The following MEMO1 variants were observed in gnomAD, a reference collection of about 807,000 sequenced individuals.
The protein encoded by MEMO1 is protein MEMO1.
MEMO1 carries 6 observed loss-of-function variants against 45.2 expected under a neutral mutation model. The observed-to-expected ratio is 0.13, with a 90% confidence interval of 0.07 to 0.26. The LOEUF (loss-of-function observed/expected upper bound fraction) is 0.26. MEMO1 is among the 10% of genes least tolerant of loss of function. The pLI is 1.00. For missense variants in MEMO1, 184 were observed against 370.5 expected, an observed-to-expected ratio of 0.50 and a Z score of 4.13; for synonymous variants, 78 against 124.3, an observed-to-expected ratio of 0.63 and a Z score of 2.48.
intron 4 of MEMO1, chr2:31,923,619 G>A (rs780470786): frequency 1.2e-5 from 18 of 1,540,456 alleles, no homozygotes; most frequent in Non-Finnish European, 1.2e-5. Flanking sequence ...GCCTGACTAG[G>A]GCCAGGTAGT....
At chr2:31,882,473 T>G (rs1675553613) in intron 8 of MEMO1, among the ~76,000 whole-genome samples, 1 of 152,176 alleles carries the variant, frequency 6.6e-6, no homozygotes, top group Admixed American at 6.5e-5. Context: ...TTTAAAATAT[T>G]AATTCCACTG....
intron 2 of MEMO1, among the ~76,000 whole-genome samples, chr2:31,946,802 G>A (rs1487893376): frequency 2.6e-5 from 4 of 152,126 alleles, no homozygotes; most frequent in African/African-American, 9.7e-5. Context: ...GGCAGAGGTT[G>A]CAGAGATCAC....
intron 3 of MEMO1, among the ~76,000 whole-genome samples, chr2:31,938,982 G>A (rs1321747226): frequency 1.3e-5 from 2 of 151,138 alleles, no homozygotes; most frequent in African/African-American, 2.4e-5. Context: ...AGGGGGTTTC[G>A]CCATGTTGCA....
intron 2 of MEMO1, among the ~76,000 whole-genome samples, chr2:31,976,073 T>G (rs1044973268): frequency 7.2e-5 from 11 of 152,116 alleles, no homozygotes; most frequent in Admixed American, 5.9e-4. Context: ...TTGCAATTAC[T>G]TTTAATAAAT....
At chr2:31,996,669 A>G (rs1672656844) in intron 2 of MEMO1, among the ~76,000 whole-genome samples, 1 of 152,212 alleles carries the variant, frequency 6.6e-6, no homozygotes. Context: ...GAAGATTCCA[A>G]TACAATAATC....
chr2:31,928,448 G>A (rs1478099569), intron 4 of MEMO1, among the ~76,000 whole-genome samples: 3 of 151,672 alleles, frequency 2.0e-5, no homozygotes, highest in African/African-American at 7.3e-5. Context: ...TTGGGAGGCT[G>A]AGGCAGGAGA....
At chr2:31,900,847 T>C (rs1042193037) in intron 6 of MEMO1, among the ~76,000 whole-genome samples, 1 of 152,162 alleles carries the variant, frequency 6.6e-6, no homozygotes, top group Non-Finnish European at 1.5e-5. Context: ...CATGCACTAT[T>C]CCTAAAATAT....
rs111476083 is a variant in MEMO1 at position 31,981,438 on chromosome 2, T to C, written c.61+28749A>G. Among the ~76,000 whole-genome samples the C allele has an allele frequency of 8.1e-3, 1,236 of 152,328 alleles. 23 individuals carry two copies. Among genetic ancestry groups the C allele is most frequent in the African/African-American group, 0.028 (1,146 of 41,564 alleles). ...AAACCTAAACAATATATTATCTGAC[T>C]TGTGGCATGAAAGCCATGTATCCAA... is the stretch of plus-strand genomic sequence containing the variant. On this transcript the variant is annotated intron_variant, in intron 2 of 9. Coordinates refer to ENST00000404530, the MANE Select transcript of MEMO1 (RefSeq NM_001301833.4).
At chr2:32,009,431 T>G (rs1477439402) in intron 2 of MEMO1, among the ~76,000 whole-genome samples, 1 of 138,178 alleles carries the variant, frequency 7.2e-6, no homozygotes, top group African/African-American at 2.7e-5. Flanking sequence ...AAGTGACAAA[T>G]CCCTGAAAGG....
At chr2:31,972,110 T>C (rs1669481371) in intron 2 of MEMO1, among the ~76,000 whole-genome samples, 2 of 152,242 alleles carry the variant, frequency 1.3e-5, no homozygotes, top group African/African-American at 2.4e-5. Context: ...CAAAATTATA[T>C]GTGAAATACC....
At chr2:31,970,524 T>C (rs1360611591) in intron 2 of MEMO1, among the ~76,000 whole-genome samples, 1 of 152,156 alleles carries the variant, frequency 6.6e-6, no homozygotes, top group Non-Finnish European at 1.5e-5. Context: ...TTATACAACC[T>C]GGCTTCCTGA....
intron 2 of MEMO1, among the ~76,000 whole-genome samples, chr2:31,973,252 G>A (rs377262110): frequency 9.9e-5 from 15 of 152,122 alleles, no homozygotes; most frequent in Admixed American, 5.9e-4. Flanking sequence ...TCAGGAGTTC[G>A]AGACCAGCCT....
At chr2:31,898,988 T>C (rs887710232) in intron 6 of MEMO1, among the ~76,000 whole-genome samples, 2 of 152,158 alleles carry the variant, frequency 1.3e-5, no homozygotes, top group South Asian at 4.1e-4. Flanking sequence ...TCTTTTCTCA[T>C]ATTTGTTGGT....
chr2:31,869,180 T>G (rs952288658), intron 9 of MEMO1, among the ~76,000 whole-genome samples: 2 of 152,136 alleles, frequency 1.3e-5, no homozygotes, highest in African/African-American at 4.8e-5. Context: ...CTGGACTACA[T>G]TATCTTCTCC....
intron 6 of MEMO1, among the ~76,000 whole-genome samples, chr2:31,893,487 A>T (rs6543644): frequency 0.12 from 18,614 of 152,168 alleles, 1,233 homozygotes; most frequent in Middle Eastern, 0.24. Context: ...TCTAACCTCA[A>T]CTACTACCTA....
chr2:31,873,556 T>C (rs1308480508), intron 8 of MEMO1, among the ~76,000 whole-genome samples: 1 of 152,146 alleles, frequency 6.6e-6, no homozygotes, highest in Admixed American at 6.5e-5. Context: ...AGTTTACCTA[T>C]ATTTAATAAA....
In MEMO1 at chr2:31,969,586, GGTGTGTGTGTGTGTGTGT is replaced by G. The variant is rs367639470; in HGVS notation, c.62-26221_62-26204del. ...AATCTTTTCTGGGGGTGTGTGTGTG[GGTGTGTGTGTGTGTGTGT>G]GTGTGTGTGTGTGTGTGTGTGTGTG... On this transcript the variant is annotated intron_variant, in intron 2 of 9. Coordinates refer to ENST00000404530, the MANE Select transcript of MEMO1 (RefSeq NM_001301833.4). Among the ~76,000 whole-genome samples, 78 of 119,264 alleles carry G rather than the reference GGTGTGTGTGTGTGTGTGT, an allele frequency of 6.5e-4. 2 individuals carry two copies. The highest frequency in any genetic ancestry group is 9.3e-3 in the Middle Eastern group (2 of 216). The allele number at this position is 119,264 out of a possible 152,430, so 78.2% of individuals were successfully genotyped here.
intron 2 of MEMO1, among the ~76,000 whole-genome samples, chr2:31,978,691 G>A (rs1211565295): frequency 6.6e-6 from 1 of 152,172 alleles, no homozygotes; most frequent in Non-Finnish European, 1.5e-5. Context: ...AAGTGCTGGG[G>A]CTGCAGGCTT....
intron 2 of MEMO1, among the ~76,000 whole-genome samples, chr2:31,953,316 G>C (rs758326734): frequency 7.1e-6 from 1 of 140,984 alleles, no homozygotes; most frequent in African/African-American, 2.6e-5. Flanking sequence ...GCAGTGGGCT[G>C]AGATCATGCC....
Sources: allele counts gnomAD v4.1 joint callset (sites outside exome capture counted in the v4.1 genomes callset), GRCh38; gene constraint gnomAD v4.1.1; transcripts MANE v1.5; gene names NCBI Gene and HGNC (gene_info 2026-07-23, HGNC 2026-07-21).